Variants in RCC2 observed in about 807,000 individuals in gnomAD.
RCC2 encodes the protein regulator of chromosome condensation 2, also known as protein RCC2.
Under a neutral mutation model 64.1 loss-of-function variants are expected in RCC2, and 19 were observed. The ratio of observed to expected loss-of-function variants is 0.30; its 90% CI spans 0.21 to 0.44. RCC2 has a LOEUF of 0.44. Ranked by LOEUF, RCC2 falls within the 20% of genes least tolerant of loss-of-function variation. The pLI, the probability that RCC2 is intolerant of heterozygous loss-of-function variation, is 1.00. For missense variants in RCC2, 508 were observed against 710.4 expected (o/e 0.72, Z 3.24); for synonymous variants, 325 against 279.6 (o/e 1.16, Z -1.62).
chr1:17,419,343 A>G (rs1247873719), intron 7 of RCC2, among the ~76,000 whole-genome samples: 4 of 152,174 alleles, frequency 2.6e-5, no homozygotes, highest in Non-Finnish European at 5.9e-5. Flanking sequence ...CGGGTGACAG[A>G]GGGAGACTCC....
chr1:17,419,480 C>A (rs563442822), intron 7 of RCC2, among the ~76,000 whole-genome samples: 1 of 152,314 alleles, frequency 6.6e-6, no homozygotes, highest in South Asian at 2.1e-4. Context: ...AGTGATCTAT[C>A]TGGATTTGGA....
chr1:17,413,762 C>A (rs1012629590), intron 8 of RCC2, 45 bp from the exon 9 acceptor site: 1 of 1,557,212 alleles, frequency 6.4e-7, no homozygotes, highest in Admixed American at 1.9e-5. Flanking sequence ...AGACTTCCAA[C>A]AGGCAACAAG....
intron 4 of RCC2, among the ~76,000 whole-genome samples, chr1:17,423,292 C>A (rs2075575801): frequency 6.6e-6 from 1 of 152,256 alleles, no homozygotes; most frequent in Admixed American, 6.5e-5. Flanking sequence ...TGGGCATCCA[C>A]TGAGGACCAT....
chr1:17,428,994 G>A (rs2075646911), intron 3 of RCC2, 112 bp downstream of exon 3: 1 of 825,984 alleles, frequency 1.2e-6, no homozygotes, highest in South Asian at 1.5e-5. Context: ...CAAGTCACTT[G>A]GCCTCTGTGA....
chr1:17,417,916 A>G (rs67134229), intron 7 of RCC2, among the ~76,000 whole-genome samples: 8,902 of 152,226 alleles, frequency 0.058, 365 homozygotes, highest in Middle Eastern at 0.13. Flanking sequence ...AAAAGATAAT[A>G]CAAACAATAC....
At chr1:17,437,123 G>T (rs2100401119) in intron 2 of RCC2, among the ~76,000 whole-genome samples, 1 of 152,298 alleles carries the variant, frequency 6.6e-6, no homozygotes, top group African/African-American at 2.4e-5. Flanking sequence ...CAAGGCCCTC[G>T]AATTCTGTGC....
intron 4 of RCC2, 75 bp downstream of exon 4, chr1:17,425,466 C>T: frequency 2.1e-6 from 3 of 1,419,220 alleles, no homozygotes. Context: ...CTTTTCCAGG[C>T]AAACAGAAGA....
At chr1:17,433,004 TCACACACACATATATATACACA>T (rs1052385220) in intron 2 of RCC2, among the ~76,000 whole-genome samples, 1 of 151,468 alleles carries the variant, frequency 6.6e-6, no homozygotes, top group Non-Finnish European at 1.5e-5. Flanking sequence ...ATATATACAC[TCACACACACATATATATACACA>T]CACACACACA....
At chr1:17,429,410 C>T (rs920576231) in intron 2 of RCC2, among the ~76,000 whole-genome samples, 1 of 152,210 alleles carries the variant, frequency 6.6e-6, no homozygotes, top group Non-Finnish European at 1.5e-5. Context: ...CAGCCGCTCA[C>T]TTGCTAAGCC....
At position 17,409,082 on chromosome 1, in the gene RCC2, C is replaced by T. The variant is rs199651124; in HGVS notation, c.*8G>A. ...AGAGGTGTGGAGTCGGAGGAGTCTC[C>T]GGGAGCATCAGAGGGTTCGGGGGTT... On this transcript the variant is annotated 3_prime_UTR_variant, in exon 13 of 13. Transcript: ENST00000375436. 2.4e-5 allele frequency: 39 copies of T among 1,595,928 alleles called. No individual in the cohort carries two copies. In the East Asian group the frequency reaches 3.1e-4, roughly 13 times the overall value.
At position 17,422,787 on chromosome 1, in the gene RCC2, T is replaced by C; in HGVS notation, c.573A>G (p.Glu191=). ...TAAGACCCTCGATGAGTCTAGGGGCTTCTACTCTCTTGGTGTCACCATGTC... is the reference window on the plus strand; with the variant it reads ...TAAGACCCTCGATGAGTCTAGGGGCCTCTACTCTCTTGGTGTCACCATGTC... ...QLGHGDTKRV[E]APRLIEGLSH... The change falls in exon 5 of 13, where the codon GAA becomes GAG. Residue 191 remains glutamate (E), a synonymous_variant. Coordinates refer to ENST00000375436, the MANE Select transcript of RCC2 (RefSeq NM_018715.4). The C allele has an allele frequency of 6.2e-7, 1 of 1,614,036 alleles. No homozygotes were observed. Among genetic ancestry groups the C allele is most frequent in the Non-Finnish European group, 8.5e-7 (1 of 1,179,996 alleles).
At position 17,422,834 on chromosome 1, in the gene RCC2, G is replaced by A; in HGVS notation, c.526C>T (p.Arg176Ter). The change falls in exon 5 of 13, where the codon CGA becomes TGA. Residue 176 changes from arginine (R) to a stop codon, truncating the protein, a stop_gained and splice_region_variant. Coordinates refer to ENST00000375436, the MANE Select transcript of RCC2 (RefSeq NM_018715.4). LOFTEE classifies it high-confidence loss of function. ...TTEGKLWSWGRNEKGQLGHGD... is the reference protein window; with the variant it reads ...TTEGKLWSWG ...TGTCCCAGCTGCCCCTTCTCATTTC[G>A]ACCTGCAGATCACATGAGAGAAAGT... The A allele has an allele frequency of 1.2e-6, 2 of 1,613,928 alleles. No individual in the cohort carries two copies. The highest frequency in any genetic ancestry group is 8.5e-7 in the Non-Finnish European group (1 of 1,180,036).
chr1:17,410,619 T>C (rs2075414287), intron 11 of RCC2, among the ~76,000 whole-genome samples: 1 of 152,130 alleles, frequency 6.6e-6, no homozygotes, highest in Non-Finnish European at 1.5e-5. Context: ...GGTGTGGAGC[T>C]GGGCAATTGA....
In RCC2 at chr1:17,438,353, C is replaced by G; in HGVS notation, c.162G>C (p.Glu54Asp). 1 of 1,239,074 alleles carries G rather than the reference C, an allele frequency of 8.1e-7. No individual in the cohort carries two copies. Among genetic ancestry groups the G allele is most frequent in the Non-Finnish European group, 1.0e-6 (1 of 992,474 alleles). The allele number at this position is 1,239,074 out of a possible 1,614,324, so 76.8% of individuals were successfully genotyped here. A position where few individuals can be genotyped will look rare whatever the true frequency, so the allele number is the denominator to read the frequency against. ...GGGCCCCGTCGAGCTCCAGGCCGTC[C>G]TCGTCGCCGCTGCTGCCGCCGCCGC... ...SSSGGGSSGD[E>D]DGLELDGAPG... Residue 54 changes from glutamate (E) to aspartate (D), a missense_variant, in exon 2 of 13, where the codon GAG becomes GAC. This residue lies in a region of RCC2 where 195 missense variants were observed against 158.3 expected (regional missense o/e 1.23). Coordinates refer to ENST00000375436, the MANE Select transcript of RCC2 (RefSeq NM_018715.4).
At chr1:17,439,322 CCTGT>C (rs910721527) in intron 1 of RCC2, among the ~76,000 whole-genome samples, 15 of 148,178 alleles carry the variant, frequency 1.0e-4, no homozygotes, top group African/African-American at 1.5e-4. Flanking sequence ...TGCGCTCTCC[CCTGT>C]CTGCTTTTTT....
chr1:17,432,789 C>T (rs796458730), intron 2 of RCC2, among the ~76,000 whole-genome samples: 2 of 152,128 alleles, frequency 1.3e-5, no homozygotes, highest in Non-Finnish European at 2.9e-5. Flanking sequence ...AACCCAACCA[C>T]GCCAATAAAA....
chr1:17,428,320 C>A (rs536968907), intron 3 of RCC2, among the ~76,000 whole-genome samples: 2 of 152,360 alleles, frequency 1.3e-5, no homozygotes, highest in Non-Finnish European at 2.9e-5. Flanking sequence ...GAAGGCTGGG[C>A]ATTTTCCAAA....
intron 12 of RCC2, 129 bp downstream of exon 12, chr1:17,409,845 G>A (rs1041054435): frequency 2.5e-6 from 2 of 794,398 alleles, no homozygotes; most frequent in African/African-American, 3.4e-5. Context: ...CTTAGCGTGA[G>A]ACACCAGGAA....
In RCC2 at chr1:17,412,103, C is replaced by T. The variant is rs1273023508; in HGVS notation, c.1386+19G>A. 3.1e-5 allele frequency: 50 copies of T among 1,613,416 alleles called. No homozygotes were observed. Among genetic ancestry groups the T allele is most frequent in the Non-Finnish European group, 4.1e-5 (48 of 1,179,458 alleles). On this transcript the variant is annotated intron_variant, in intron 11 of 12. Transcript: ENST00000375436. ...TGACTGGCTTCCACTTCCCCTGACC[C>T]GCACAGGTGACAGCTTACCAGTTCC... is the stretch of plus-strand genomic sequence containing the variant.
Sources: gnomAD v4.1 joint callset for allele counts (sites outside exome capture counted in the v4.1 genomes callset) on GRCh38, gnomAD v4.1.1 for gene constraint, gnomAD v4.1.1 regional missense constraint, MANE v1.5 for transcripts, NCBI Gene and HGNC (gene_info 2026-07-23, HGNC 2026-07-21) for gene names.